The following OTC variants were observed in gnomAD, a reference collection of about 807,000 sequenced individuals.
OTC encodes ornithine transcarbamylase.
Under a neutral mutation model 30.3 loss-of-function variants are expected in OTC, and 3 were observed. The ratio of observed to expected loss-of-function variants is 0.10; its 90% CI spans 0.05 to 0.26. The LOEUF (loss-of-function observed/expected upper bound fraction) is 0.26, where lower values mean the gene tolerates loss of function less well. Among genes scored for constraint, OTC ranks in the 10% least tolerant of loss-of-function variants. The pLI is 1.00. For synonymous variants in OTC, 111 were observed against 99.7 expected, an observed-to-expected ratio of 1.11 and a Z score of -0.67; for missense variants, 194 against 260.3, an observed-to-expected ratio of 0.75 and a Z score of 1.75.
chrX:38,377,525 T>C (rs980514520), intron 3 of OTC, among the ~76,000 whole-genome samples: 22 of 111,895 alleles, frequency 2.0e-4, no homozygotes, highest in Non-Finnish European at 4.0e-4. Context: ...AAAAAGTTGG[T>C]TTTTTGAAAA....
At chrX:38,398,062 G>C (rs1052184557) in intron 4 of OTC, among the ~76,000 whole-genome samples, 1 of 112,101 alleles carries the variant, frequency 8.9e-6, no homozygotes, top group Non-Finnish European at 1.9e-5. Flanking sequence ...ATTATAAACA[G>C]AAAAATTAAA....
intron 1 of OTC, among the ~76,000 whole-genome samples, chrX:38,365,241 G>A (rs1004984375): frequency 8.8e-6 from 1 of 113,017 alleles, no homozygotes; most frequent in Non-Finnish European, 1.9e-5. Flanking sequence ...GCCTTTGGCT[G>A]TTTATAATTT....
At chrX:38,329,256 G>C in the OTC span, among the ~76,000 whole-genome samples, 3 of 111,223 alleles carry the variant, frequency 2.7e-5, no homozygotes, top group Admixed American at 9.6e-5. Flanking sequence ...TTGGAGTTAG[G>C]TAAATGGGGC....
chrX:38,412,579 T>C (rs1157792972), intron 9 of OTC, among the ~76,000 whole-genome samples: 1 of 112,236 alleles, frequency 8.9e-6, no homozygotes, highest in Non-Finnish European at 1.9e-5. Flanking sequence ...ATCACTGTCA[T>C]TCTAGGAAAT....
intron 4 of OTC, among the ~76,000 whole-genome samples, chrX:38,388,140 T>G (rs1187281062): frequency 2.7e-5 from 3 of 111,809 alleles, no homozygotes; most frequent in African/African-American, 9.8e-5. Flanking sequence ...TTTACCTAGA[T>G]GTACTGTAAC....
chrX:38,365,546 G>A (rs1470442760), intron 1 of OTC, among the ~76,000 whole-genome samples: 3 of 112,334 alleles, frequency 2.7e-5, no homozygotes, highest in African/African-American at 9.7e-5. Context: ...AAAATGTGTT[G>A]CAGAAACCAA....
chrX:38,409,054 A>G, intron 8 of OTC, 29 bp downstream of exon 8: 1 of 1,192,449 alleles, frequency 8.4e-7, no homozygotes, highest in Non-Finnish European at 1.1e-6. Context: ...CTGAAGGTTC[A>G]TTAATTCCAT....
At chrX:38,344,045 A>C in the OTC span, among the ~76,000 whole-genome samples, 8 of 111,500 alleles carry the variant, frequency 7.2e-5, no homozygotes, top group Non-Finnish European at 1.5e-4. Flanking sequence ...GTTAATTAGA[A>C]AGTAACTCTC....
chrX:38,415,110 G>A (rs2068563856), intron 9 of OTC, among the ~76,000 whole-genome samples: 1 of 109,757 alleles, frequency 9.1e-6, no homozygotes, highest in African/African-American at 3.3e-5. Context: ...ACAGAGTCTC[G>A]CTCTGTCACC....
intron 1 of OTC, among the ~76,000 whole-genome samples, chrX:38,359,652 G>T (rs922933055): frequency 3.4e-4 from 37 of 110,039 alleles, no homozygotes; most frequent in Non-Finnish European, 6.5e-4. Flanking sequence ...AACTCCTGAC[G>T]TCAGGTGATC....
chrX:38,385,199 G>A (rs1326976891), intron 4 of OTC, among the ~76,000 whole-genome samples: 5 of 111,728 alleles, frequency 4.5e-5, no homozygotes, highest in Non-Finnish European at 1.9e-5. Context: ...GAACCCGGGA[G>A]GTGGAGGTGG....
chrX:38,331,743 C>G, the OTC span, among the ~76,000 whole-genome samples: 4 of 105,178 alleles, frequency 3.8e-5, no homozygotes, highest in Admixed American at 2.0e-4. Flanking sequence ...CCACCACACC[C>G]AGATAATTTT....
At chrX:38,388,311 C>T (rs1325030217) in intron 4 of OTC, among the ~76,000 whole-genome samples, 1 of 111,789 alleles carries the variant, frequency 8.9e-6, no homozygotes, top group Admixed American at 9.5e-5. Flanking sequence ...AGCTCCTTCT[C>T]ACCCCCTAAC....
chrX:38,354,474 TGATTTTTAAAATAATTATTACG>T (rs2068231009), intron 1 of OTC, among the ~76,000 whole-genome samples: 3 of 112,009 alleles, frequency 2.7e-5, no homozygotes, highest in Non-Finnish European at 5.6e-5. Context: ...CAATGATAAT[TGATTTTTAAAATAATTATTACG>T]GATTAAATTT....
rs189200926 is a variant in OTC, at chrX:38,408,352, A to G, written c.664-390A>G. On this transcript the variant is annotated intron_variant, in intron 6 of 9. Transcript: ENST00000039007. ...AAAGTTATCCACATGGAATGGGTGG[A>G]AGAAAGAATTTCAGACAAGAAAGGA... Among the ~76,000 whole-genome samples, 329 of 112,033 alleles carry G rather than the reference A, an allele frequency of 2.9e-3. 2 individuals carry two copies. Among genetic ancestry groups the G allele is most frequent in the African/African-American group, 0.01 (311 of 30,825 alleles).
At position 38,378,476 on chromosome X, in the gene OTC, A is replaced by C. The variant is rs367576411; in HGVS notation, c.299-2866A>C. Reference sequence around the variant, plus strand: ...AAGACAAGGCCATTATGTAATGATAAAGGGGCCAATTCAGCAAGAGAATAT... The same window carrying C: ...AAGACAAGGCCATTATGTAATGATACAGGGGCCAATTCAGCAAGAGAATAT... On this transcript the variant is annotated intron_variant, in intron 3 of 9. Transcript: ENST00000039007. 5.4e-5 allele frequency among the ~76,000 whole-genome samples: 6 copies of C among 110,816 alleles called. No individual in the cohort carries two copies. The South Asian group carries it at 2.4e-3, about 44-fold the overall frequency.
chrX:38,377,566 A>C (rs752984738), intron 3 of OTC, among the ~76,000 whole-genome samples: 1 of 112,195 alleles, frequency 8.9e-6, no homozygotes, highest in African/African-American at 3.2e-5. Flanking sequence ...GAAGAAGCCA[A>C]CCATTTTCTC....
At chrX:38,328,831 A>T in the OTC span, among the ~76,000 whole-genome samples, 34 of 111,819 alleles carry the variant, frequency 3.0e-4, no homozygotes, top group South Asian at 2.2e-3. Flanking sequence ...TGTGGTCAGG[A>T]TGGCTTGGAG....
intron 4 of OTC, among the ~76,000 whole-genome samples, chrX:38,397,466 TA>T (rs2068463380): frequency 8.9e-6 from 1 of 112,195 alleles, no homozygotes; most frequent in Non-Finnish European, 1.9e-5. Context: ...GTTCTTTTTT[TA>T]AAAATAGAAC....
Sources: gnomAD v4.1 joint callset for allele counts (sites outside exome capture counted in the v4.1 genomes callset) on GRCh38, gnomAD v4.1.1 for gene constraint, MANE v1.5 for transcripts, NCBI Gene and HGNC (gene_info 2026-07-23, HGNC 2026-07-21) for gene names.